Variants in XPO6 observed in about 807,000 individuals in gnomAD.
XPO6 encodes the protein exportin 6.
A neutral mutation model predicts 130.0 loss-of-function variants in XPO6; 3 were observed. That is an observed-to-expected ratio of 0.02 (90% CI 0.01 to 0.06). The LOEUF is 0.06. Ranked by LOEUF, XPO6 falls within the 10% of genes least tolerant of loss-of-function variation. The pLI is 1.00. For missense variants in XPO6, 970 were observed against 1,393.0 expected (o/e 0.70, Z 4.83); for synonymous variants, 524 against 548.9 (o/e 0.95, Z 0.63).
chr16:28,171,225 A>C (rs1397529354), intron 4 of XPO6, among the ~76,000 whole-genome samples: 1 of 151,950 alleles, frequency 6.6e-6, no homozygotes, highest in Non-Finnish European at 1.5e-5. Flanking sequence ...TAATCCCAGC[A>C]CTTTATCACT....
chr16:28,119,657 GA>G lies in XPO6; in HGVS notation c.1859+2012del, dbSNP rs71140945. ...ATGATTAGTTAGACCTTGGATCCAA[GA>G]AAAAAAAAAGATACAAAAACATTCC... On this transcript the variant is annotated intron_variant, in intron 14 of 23. Coordinates refer to ENST00000304658, the MANE Select transcript of XPO6 (RefSeq NM_015171.4). 3.4e-3 allele frequency among the ~76,000 whole-genome samples: 501 copies of G among 145,280 alleles called. 1 individual carries two copies. The highest frequency in any genetic ancestry group is 8.6e-3 in the East Asian group (43 of 5,012).
At chr16:28,146,789 G>A (rs2141802219) in intron 8 of XPO6, among the ~76,000 whole-genome samples, 1 of 152,362 alleles carries the variant, frequency 6.6e-6, no homozygotes, top group East Asian at 1.9e-4. Context: ...AAGCAAGGGT[G>A]TCAAACGTGC....
chr16:28,173,740 G>C (rs751071993), intron 4 of XPO6, among the ~76,000 whole-genome samples: 11 of 152,228 alleles, frequency 7.2e-5, no homozygotes, highest in Admixed American at 3.3e-4. Context: ...TTGAAAGCGG[G>C]AGGTGGTGGA....
Position 28,176,664 on chromosome 16 carries a change from A to AT in XPO6, c.207+555dup, listed in dbSNP as rs34096451. ...AGGCACCCGCCACCACGCCCGGCTA[A>AT]TTTTTTTTTTTTTTTTTGCATTTTT... is the stretch of plus-strand genomic sequence containing the variant. On this transcript the variant is annotated intron_variant, in intron 3 of 23. Transcript: ENST00000304658. Among the ~76,000 whole-genome samples the AT allele has an allele frequency of 7.3e-3, 982 of 134,664 alleles. 7 individuals are homozygous for AT. The highest frequency in any genetic ancestry group is 0.028 in the Admixed American group (378 of 13,412). The allele number at this position is 134,664 out of a possible 152,430, so 88.3% of individuals were successfully genotyped here. A position where few individuals can be genotyped will look rare whatever the true frequency, so the allele number is the denominator to read the frequency against.
chr16:28,166,535 G>A lies in XPO6; in HGVS notation c.616C>T (p.Pro206Ser), dbSNP rs951181609. Residue 206 changes from proline to serine, a missense_variant, in exon 6 of 24, where the codon CCA becomes TCA. Pro to Ser is a moderately conservative substitution (Grantham distance 74, BLOSUM62 -1). Coordinates refer to ENST00000304658, the MANE Select transcript of XPO6 (RefSeq NM_015171.4). ...DKHSVTAATP[P>S]PSPTSGESGD... ...CTTTCTCCTGAGGTCGGGGATGGTG[G>A]TGGAGTGGCAGCAGTAACACTGTGT... 4 of 1,594,018 alleles carry A rather than the reference G, an allele frequency of 2.5e-6. No homozygotes were observed. The highest frequency in any genetic ancestry group is 3.5e-5 in the Admixed American group (2 of 57,336).
At chr16:28,168,366 C>T (rs1371997478) in intron 5 of XPO6, among the ~76,000 whole-genome samples, 1 of 152,010 alleles carries the variant, frequency 6.6e-6, no homozygotes, top group African/African-American at 2.4e-5. Flanking sequence ...GCCTGTAGTC[C>T]CAGCTTCTGG....
chr16:28,104,443 G>T, intron 21 of XPO6, 103 bp downstream of exon 21: 2 of 1,413,286 alleles, frequency 1.4e-6, no homozygotes, highest in South Asian at 1.3e-5. Context: ...CTAACAGGCA[G>T]AACTGAGCTT....
chr16:28,117,215 G>C, intron 15 of XPO6, 103 bp downstream of exon 15: 1 of 1,442,312 alleles, frequency 6.9e-7, no homozygotes, highest in South Asian at 1.3e-5. Flanking sequence ...AAGATTTATG[G>C]GTCTAACTCT....
Position 28,180,906 on chromosome 16 carries a change from A to G in XPO6, c.94+35T>C, listed in dbSNP as rs769733643. The G allele has an allele frequency of 7.0e-6, 11 of 1,574,358 alleles. 1 individual carries two copies. Among genetic ancestry groups the G allele is most frequent in the African/African-American group, 1.4e-5 (1 of 73,782 alleles). Reference sequence around the variant, plus strand: ...TCCTCCCTACCAGGGCCTCCTCATTATAAATTCCTCTTTACAAGTCAATGC... The same window carrying G: ...TCCTCCCTACCAGGGCCTCCTCATTGTAAATTCCTCTTTACAAGTCAATGC... On this transcript the variant is annotated intron_variant, in intron 2 of 23. Coordinates refer to ENST00000304658, the MANE Select transcript of XPO6 (RefSeq NM_015171.4).
chr16:28,144,682 C>T (rs966864790), intron 9 of XPO6, among the ~76,000 whole-genome samples: 6 of 152,342 alleles, frequency 3.9e-5, no homozygotes, highest in Non-Finnish European at 8.8e-5. Context: ...CACCTTCCTC[C>T]ATTTGGTACA....
rs915247602 is a variant in XPO6, at chr16:28,211,486, C to T, written c.-118G>A. 4 of 1,191,710 alleles carry T rather than the reference C, an allele frequency of 3.4e-6. No individual in the cohort carries two copies. Among genetic ancestry groups the T allele is most frequent in the Non-Finnish European group, 4.3e-6 (4 of 928,606 alleles). The allele number at this position is 1,191,710 out of a possible 1,614,324, so 73.8% of individuals were successfully genotyped here. Reference sequence around the variant, plus strand: ...GGGAAGTCCCCCACCCATGCAAAGACAACCCCTTCCCCACCGGGCCCCGAG... The same window carrying T: ...GGGAAGTCCCCCACCCATGCAAAGATAACCCCTTCCCCACCGGGCCCCGAG... On this transcript the variant is annotated 5_prime_UTR_variant, in exon 1 of 24. Transcript: ENST00000304658.
chr16:28,101,014 GC>G lies in XPO6; in HGVS notation c.3276+443del, dbSNP rs1403340363. On this transcript the variant is annotated intron_variant, in intron 23 of 23. Coordinates refer to ENST00000304658, the MANE Select transcript of XPO6 (RefSeq NM_015171.4). The surrounding 1 kb of genome is among the most constrained non-coding windows in gnomAD (Gnocchi z 5.4). ...GCTGGTCTGGAAAGAGCCCAAGACA[GC>G]CGGGGAACCTGGGTCCCACCTCTAA... The G allele has an allele frequency of 3.6e-6, 1 of 275,964 alleles. No individual in the cohort carries two copies. The highest frequency in any genetic ancestry group is 7.1e-6 in the Non-Finnish European group (1 of 139,870). The allele number at this position is 275,964 out of a possible 1,614,324, so 17.1% of individuals were successfully genotyped here.
At chr16:28,124,377 A>G (rs2087337667) in intron 13 of XPO6, among the ~76,000 whole-genome samples, 1 of 152,154 alleles carries the variant, frequency 6.6e-6, no homozygotes, top group Non-Finnish European at 1.5e-5. Flanking sequence ...GATAAGATAT[A>G]TCTATATTGC....
intron 12 of XPO6, among the ~76,000 whole-genome samples, chr16:28,131,168 T>C (rs1438044562): frequency 6.6e-6 from 1 of 152,246 alleles, no homozygotes; most frequent in African/African-American, 2.4e-5. Flanking sequence ...TTAAATTTCT[T>C]ACCCTATCTA....
At chr16:28,149,318 C>T (rs907811917) in intron 8 of XPO6, among the ~76,000 whole-genome samples, 3 of 152,114 alleles carry the variant, frequency 2.0e-5, no homozygotes, top group African/African-American at 7.2e-5. Flanking sequence ...TACCTGGAGG[C>T]GCTGGCGGCA....
chr16:28,129,381 A>G (rs1370492690), intron 12 of XPO6, among the ~76,000 whole-genome samples: 1 of 152,134 alleles, frequency 6.6e-6, no homozygotes, highest in Non-Finnish European at 1.5e-5. Context: ...ATCCACCCAC[A>G]CTTTCTTCTG....
In XPO6 at chr16:28,098,226, C is replaced by G. The variant is rs1440441584; in HGVS notation, c.*312G>C. The G allele has an allele frequency of 3.7e-6, 1 of 267,542 alleles. No individual in the cohort carries two copies. The highest frequency in any genetic ancestry group is 2.2e-5 in the African/African-American group (1 of 45,316). The allele number at this position is 267,542 out of a possible 1,614,324, so 16.6% of individuals were successfully genotyped here. On this transcript the variant is annotated 3_prime_UTR_variant, in exon 24 of 24. Transcript: ENST00000304658. Reference sequence around the variant, plus strand: ...TCGTGAGCTGTCCTTGGCAATTCTGCCCCATGAGCCACGTGCGCCTGGTCT... The same window carrying G: ...TCGTGAGCTGTCCTTGGCAATTCTGGCCCATGAGCCACGTGCGCCTGGTCT...
intron 2 of XPO6, 65 bp downstream of exon 2, chr16:28,180,876 C>T: frequency 7.4e-7 from 1 of 1,358,578 alleles, no homozygotes; most frequent in Non-Finnish European, 1.0e-6. Context: ...CTACGAACAA[C>T]TCCTTCCTCC....
intron 9 of XPO6, among the ~76,000 whole-genome samples, chr16:28,145,762 G>C (rs902169203): frequency 4.0e-5 from 6 of 151,816 alleles, no homozygotes; most frequent in African/African-American, 7.3e-5. Context: ...ACCCCCACTG[G>C]GTTATTTAAG....
Sources: allele counts gnomAD v4.1 joint callset (sites outside exome capture counted in the v4.1 genomes callset), GRCh38; gene constraint gnomAD v4.1.1; non-coding constraint Gnocchi (gnomAD v3.1); transcripts MANE v1.5; gene names NCBI Gene and HGNC (gene_info 2026-07-23, HGNC 2026-07-21).